Variants in GSDMC observed in about 807,000 individuals in gnomAD.
GSDMC encodes the protein gasdermin-C.
A neutral mutation model predicts 58.0 loss-of-function variants in GSDMC; 59 were observed. That is an observed-to-expected ratio of 1.02 (90% CI 0.82 to 1.26). GSDMC has a LOEUF of 1.26. Ranked by LOEUF, GSDMC falls within the 50% of genes most tolerant of loss-of-function variation. GSDMC has a pLI of 0.00. For missense variants in GSDMC, 659 were observed against 598.5 expected (o/e 1.10, Z -1.06); for synonymous variants, 241 against 220.2 (o/e 1.09, Z -0.83).
chr8:129,766,008 T>C (rs543750455), intron 3 of GSDMC, among the ~76,000 whole-genome samples: 2 of 152,168 alleles, frequency 1.3e-5, no homozygotes, highest in Non-Finnish European at 2.9e-5. Context: ...TGAGAGTATA[T>C]GTACCATATT....
the GSDMC span, among the ~76,000 whole-genome samples, chr8:129,735,738 T>C: frequency 6.6e-6 from 1 of 151,870 alleles, no homozygotes; most frequent in Non-Finnish European, 1.5e-5. Context: ...AACATCACAA[T>C]TAAAAGAACT....
At position 129,748,565 on chromosome 8, in the gene GSDMC, G is replaced by A; in HGVS notation, c.1463C>T (p.Ala488Val). Reference sequence around the variant, plus strand: ...ATAGAGGGCAGACAGGGGCATCTTTGCTTCTACATCCCAGGTTGACCTGGG... The same window carrying A: ...ATAGAGGGCAGACAGGGGCATCTTTACTTCTACATCCCAGGTTGACCTGGG... Reference protein sequence around the residue: ...DNPRSTWDVEAKMPLSALYGT... With the variant: ...DNPRSTWDVEVKMPLSALYGT... The change falls in exon 14 of 14, where the codon GCA becomes GTA. Residue 488 changes from alanine to valine, a missense_variant. Transcript: ENST00000276708. 2.5e-6 allele frequency: 4 copies of A among 1,613,824 alleles called. No homozygotes were observed. The highest frequency in any genetic ancestry group is 3.4e-6 in the Non-Finnish European group (4 of 1,179,838).
At chr8:129,722,502 C>T in the GSDMC span, among the ~76,000 whole-genome samples, 1 of 152,116 alleles carries the variant, frequency 6.6e-6, no homozygotes, top group African/African-American at 2.4e-5. Flanking sequence ...TGTCAAAATC[C>T]TTATTTCACC....
chr8:129,740,789 T>C, the GSDMC span, among the ~76,000 whole-genome samples: 1 of 152,324 alleles, frequency 6.6e-6, no homozygotes. Context: ...TCCTAATCCA[T>C]AGGTTGTCTC....
the GSDMC span, among the ~76,000 whole-genome samples, chr8:129,717,827 A>G: frequency 6.6e-6 from 1 of 152,210 alleles, no homozygotes; most frequent in Non-Finnish European, 1.5e-5. Context: ...ATATACATAT[A>G]TATACCAGTG....
At chr8:129,719,250 C>T in the GSDMC span, among the ~76,000 whole-genome samples, 2 of 152,072 alleles carry the variant, frequency 1.3e-5, no homozygotes, top group Admixed American at 6.5e-5. Flanking sequence ...AAATGGACTT[C>T]AGAAGACACA....
At chr8:129,740,004 G>A in the GSDMC span, among the ~76,000 whole-genome samples, 1 of 151,940 alleles carries the variant, frequency 6.6e-6, no homozygotes, top group African/African-American at 2.4e-5. Context: ...GTAGGACTGG[G>A]CTAATGTGTG....
intron 1 of GSDMC, among the ~76,000 whole-genome samples, chr8:129,778,015 A>G (rs1321537674): frequency 6.6e-6 from 1 of 152,156 alleles, no homozygotes; most frequent in Non-Finnish European, 1.5e-5. Flanking sequence ...TGTAAATAAC[A>G]GGAAGAAGGA....
chr8:129,706,217 C>T, the GSDMC span, among the ~76,000 whole-genome samples: 712 of 152,108 alleles, frequency 4.7e-3, 6 homozygotes, highest in African/African-American at 0.015. Context: ...CAAATTTTCT[C>T]CACCAAAAAA....
At chr8:129,781,497 C>A (rs1022951428) in intron 1 of GSDMC, among the ~76,000 whole-genome samples, 2 of 152,204 alleles carry the variant, frequency 1.3e-5, no homozygotes, top group African/African-American at 2.4e-5. Context: ...GTAATCCCAG[C>A]ATTTTTGGAG....
chr8:129,715,077 T>C, the GSDMC span, among the ~76,000 whole-genome samples: 18 of 152,166 alleles, frequency 1.2e-4, no homozygotes, highest in African/African-American at 3.6e-4. Flanking sequence ...AATGTGAACA[T>C]TTAGGTGTGT....
chr8:129,720,443 T>C, the GSDMC span, among the ~76,000 whole-genome samples: 7 of 152,318 alleles, frequency 4.6e-5, no homozygotes, highest in South Asian at 1.5e-3. Context: ...CTTGATTGTC[T>C]CCTGAGTACT....
the GSDMC span, among the ~76,000 whole-genome samples, chr8:129,710,394 A>G: frequency 6.6e-6 from 1 of 152,180 alleles, no homozygotes; most frequent in Non-Finnish European, 1.5e-5. Flanking sequence ...TGTGTTCTGC[A>G]TTTGTCAGTG....
At chr8:129,777,068 C>T (rs149496107) in intron 2 of GSDMC, among the ~76,000 whole-genome samples, 1 of 152,236 alleles carries the variant, frequency 6.6e-6, no homozygotes, top group African/African-American at 2.4e-5. Context: ...CAGTGCCCAG[C>T]CCCCAGGTAC....
At chr8:129,749,877 C>A (rs118154635) in intron 12 of GSDMC, 113 bp downstream of exon 12, 2 of 823,776 alleles carry the variant, frequency 2.4e-6, no homozygotes, top group South Asian at 1.9e-5. Context: ...GATGTAAGGA[C>A]GAAAGATCAT....
chr8:129,751,448 TCA>T, intron 10 of GSDMC, 92 bp downstream of exon 10: 2 of 980,314 alleles, frequency 2.0e-6, no homozygotes, highest in South Asian at 3.0e-5. Context: ...GAAGTGGACC[TCA>T]GTTTCTGACT....
intron 6 of GSDMC, among the ~76,000 whole-genome samples, chr8:129,755,627 T>C (rs1241706406): frequency 6.6e-6 from 1 of 152,084 alleles, no homozygotes; most frequent in African/African-American, 2.4e-5. Context: ...AAAGACTAAA[T>C]GATGAATCAA....
the GSDMC span, among the ~76,000 whole-genome samples, chr8:129,726,055 A>C: frequency 1.9e-4 from 29 of 152,328 alleles, no homozygotes; most frequent in South Asian, 6.0e-3. Context: ...AAAATATTTG[A>C]AACTCCCAAC....
chr8:129,728,903 G>A, the GSDMC span: 102 of 661,614 alleles, frequency 1.5e-4, 1 homozygote, highest in South Asian at 1.5e-3. Flanking sequence ...ACCAGGCAGG[G>A]TCTGAAGCCC....
Sources: allele counts gnomAD v4.1 joint callset (sites outside exome capture counted in the v4.1 genomes callset), GRCh38; gene constraint gnomAD v4.1.1; transcripts MANE v1.5; gene names NCBI Gene and HGNC (gene_info 2026-07-23, HGNC 2026-07-21).